The following AVEN variants were observed in gnomAD, a reference collection of about 807,000 sequenced individuals.
AVEN encodes the protein cell death regulator Aven.
AVEN carries 41 observed loss-of-function variants against 38.1 expected under a neutral mutation model. The observed-to-expected ratio is 1.08, with a 90% CI of 0.84 to 1.40. The LOEUF is 1.40. Ranked by LOEUF, AVEN falls within the 40% of genes most tolerant of loss-of-function variation. The probability of loss-of-function intolerance (pLI) is 0.00; values close to 1 mark genes in which losing one functional copy is unlikely to be tolerated. For synonymous variants in AVEN, 206 were observed against 171.8 expected, an observed-to-expected ratio of 1.20 and a Z score of -1.56; for missense variants, 605 against 438.8, an observed-to-expected ratio of 1.38 and a Z score of -3.38.
intron 2 of AVEN, among the ~76,000 whole-genome samples, chr15:33,940,860 C>T (rs1394822136): frequency 6.6e-6 from 1 of 152,134 alleles, no homozygotes; most frequent in Non-Finnish European, 1.5e-5. Context: ...ATTCTTATCG[C>T]TTAGGCTGAA....
chr15:34,072,998 T>C (rs1345544033), intron 1 of AVEN, among the ~76,000 whole-genome samples: 4 of 150,674 alleles, frequency 2.7e-5, no homozygotes, highest in Non-Finnish European at 4.4e-5. Flanking sequence ...TATCTTACCA[T>C]CTATCCTTCT....
chr15:33,939,552 T>C (rs1894233378), intron 2 of AVEN, among the ~76,000 whole-genome samples: 1 of 152,162 alleles, frequency 6.6e-6, no homozygotes, highest in African/African-American at 2.4e-5. Context: ...GCAGTGGAAA[T>C]TATCAAACTA....
intron 1 of AVEN, among the ~76,000 whole-genome samples, chr15:34,016,000 G>T (rs1194245110): frequency 1.3e-5 from 2 of 152,174 alleles, no homozygotes; most frequent in East Asian, 3.8e-4. Flanking sequence ...AAAGCGGCTG[G>T]GCGCGGTGGC....
chr15:34,038,964 CG>C lies in AVEN; in HGVS notation c.82del (p.Arg28GlyfsTer8). On this transcript the variant is annotated frameshift_variant, in exon 1 of 6. Transcript: ENST00000306730. LOFTEE classifies it high-confidence loss of function. ...GRPGGDRHSE[R>X]PGAAAAVARG... ...GGCTACCGCCGCTGCGGCTCCGGGC[CG>C]CTCGCTGTGGCGATCTCCGCCAGGC... 1 of 1,109,902 alleles carries C rather than the reference CG, an allele frequency of 9.0e-7. No individual in the cohort carries two copies. Among genetic ancestry groups the C allele is most frequent in the South Asian group, 3.9e-5 (1 of 25,660 alleles). 68.8% of individuals were successfully genotyped at this position (1,109,902 alleles called of 1,614,324 possible).
At chr15:33,952,399 C>G (rs1894785212) in intron 2 of AVEN, among the ~76,000 whole-genome samples, 1 of 152,122 alleles carries the variant, frequency 6.6e-6, no homozygotes, top group African/African-American at 2.4e-5. Context: ...AGATGCTTAT[C>G]CATAATTGGG....
chr15:33,936,534 A>G (rs1773858653), intron 2 of AVEN, among the ~76,000 whole-genome samples: 1 of 152,182 alleles, frequency 6.6e-6, no homozygotes, highest in Non-Finnish European at 1.5e-5. Flanking sequence ...GGCTGAGAAA[A>G]CACAATATTG....
chr15:33,865,053 C>CACAAAGAACAAAA, downstream of AVEN: 1 of 1,093,896 alleles, frequency 9.1e-7, no homozygotes, highest in Non-Finnish European at 1.4e-6. Flanking sequence ...TAAAGGGAGC[C>CACAAAGAACAAAA]ACAAAGAACA....
intron 2 of AVEN, among the ~76,000 whole-genome samples, chr15:33,907,658 G>A (rs1892757686): frequency 6.6e-6 from 1 of 151,980 alleles, no homozygotes; most frequent in South Asian, 2.1e-4. Flanking sequence ...GACAACTGTA[G>A]ACAAGTTAAA....
chr15:33,986,812 A>G lies in AVEN; in HGVS notation c.445+16220T>C, dbSNP rs180961911. On this transcript the variant is annotated intron_variant, in intron 2 of 5. Transcript: ENST00000306730. ...GCTGGGACTACAGGCACGTGCCACC[A>G]TGCCCAGCTAATTGTTTTGTATTTT... Among the ~76,000 whole-genome samples, 611 of 151,508 alleles carry G rather than the reference A, an allele frequency of 4.0e-3. 3 individuals carry two copies. The highest frequency in any genetic ancestry group is 0.013 in the African/African-American group (558 of 41,482).
rs1899308343 is a variant in AVEN, at chr15:34,038,875, C to CCCGGCCACGGCCACGGCCCCGGCGT, written c.147_171dup (p.Gly58ThrfsTer42). The CCCGGCCACGGCCACGGCCCCGGCGT allele has an allele frequency of 8.7e-7, 1 of 1,147,402 alleles. No individual in the cohort carries two copies. The highest frequency in any genetic ancestry group is 1.7e-5 in the African/African-American group (1 of 60,230). The allele number at this position is 1,147,402 out of a possible 1,614,324, so 71.1% of individuals were successfully genotyped here. On this transcript the variant is annotated frameshift_variant, in exon 1 of 6. Coordinates refer to ENST00000306730, the MANE Select transcript of AVEN (RefSeq NM_020371.3). LOFTEE classifies it high-confidence loss of function. ...CGGCCTCCGCGAGCGCCGCGGAAGC[C>CCCGGCCACGGCCACGGCCCCGGCGT]CCGGCCACGGCCACGGCCCCGGCGT... is the stretch of plus-strand genomic sequence containing the variant.
At chr15:33,893,875 A>G (rs1258932308) in intron 2 of AVEN, among the ~76,000 whole-genome samples, 2 of 152,196 alleles carry the variant, frequency 1.3e-5, no homozygotes, top group Admixed American at 6.5e-5. Flanking sequence ...CCATCAATTC[A>G]TCAGTGACAC....
intron 4 of AVEN, among the ~76,000 whole-genome samples, chr15:33,870,718 T>C (rs1326802436): frequency 6.6e-6 from 1 of 152,160 alleles, no homozygotes; most frequent in East Asian, 1.9e-4. Flanking sequence ...TTCCACTACA[T>C]TTGATCCTTT....
rs981219861 is a variant in AVEN at position 34,038,703 on chromosome 15, C to G, written c.267+77G>C. Reference sequence around the variant, plus strand: ...GGCGCGCGCCTGGCACGCTCTCTTGCGGCTCTTGACTGGCGGCCTCGGCCC... The same window carrying G: ...GGCGCGCGCCTGGCACGCTCTCTTGGGGCTCTTGACTGGCGGCCTCGGCCC... On this transcript the variant is annotated intron_variant, in intron 1 of 5. Coordinates refer to ENST00000306730, the MANE Select transcript of AVEN (RefSeq NM_020371.3). 2.8e-5 allele frequency: 31 copies of G among 1,101,994 alleles called. No homozygotes were observed. In the Admixed American group the frequency reaches 6.5e-4, roughly 23 times the overall value. The allele number at this position is 1,101,994 out of a possible 1,614,324, so 68.3% of individuals were successfully genotyped here.
At chr15:33,967,446 C>T (rs1456536704) in intron 2 of AVEN, among the ~76,000 whole-genome samples, 1 of 151,952 alleles carries the variant, frequency 6.6e-6, no homozygotes, top group East Asian at 1.9e-4. Flanking sequence ...AATATACATA[C>T]TAAAGTACAA....
At chr15:33,934,316 T>C (rs1893981694) in intron 2 of AVEN, among the ~76,000 whole-genome samples, 1 of 152,126 alleles carries the variant, frequency 6.6e-6, no homozygotes, top group African/African-American at 2.4e-5. Context: ...GCTATGAATA[T>C]GCCACTGTAC....
intron 2 of AVEN, among the ~76,000 whole-genome samples, chr15:33,881,999 G>C (rs542920137): frequency 6.6e-6 from 1 of 152,268 alleles, no homozygotes; most frequent in African/African-American, 2.4e-5. Flanking sequence ...AATTAATTGG[G>C]GCATAGTGAA....
At chr15:33,973,743 G>C (rs189748382) in intron 2 of AVEN, among the ~76,000 whole-genome samples, 1 of 152,252 alleles carries the variant, frequency 6.6e-6, no homozygotes, top group African/African-American at 2.4e-5. Flanking sequence ...ATACGAAATT[G>C]CATTTTTCAT....
At chr15:33,916,029 C>T (rs1450637041) in intron 2 of AVEN, among the ~76,000 whole-genome samples, 2 of 152,260 alleles carry the variant, frequency 1.3e-5, no homozygotes, top group Admixed American at 6.5e-5. Flanking sequence ...GCCCCACCCA[C>T]GGAGAGTCTG....
At chr15:33,863,865 G>A (rs1209675388), downstream of AVEN, among the ~76,000 whole-genome samples, 3 of 152,116 alleles carry the variant, frequency 2.0e-5, no homozygotes, top group African/African-American at 7.2e-5. Context: ...TAAAATGGTG[G>A]CCAAAATGCT....
Sources: allele counts gnomAD v4.1 joint callset (sites outside exome capture counted in the v4.1 genomes callset), GRCh38; gene constraint gnomAD v4.1.1; transcripts MANE v1.5; gene names NCBI Gene and HGNC (gene_info 2026-07-23, HGNC 2026-07-21).